The following CA5A variants were observed in gnomAD, a reference collection of about 807,000 sequenced individuals.
CA5A encodes carbonic anhydrase 5A, mitochondrial.
A neutral mutation model predicts 37.1 loss-of-function variants in CA5A; 28 were observed. That is an observed-to-expected ratio of 0.75 (90% CI 0.56 to 1.03). The LOEUF (loss-of-function observed/expected upper bound fraction) is 1.03, where lower values mean the gene tolerates loss of function less well. Among genes scored for constraint, CA5A ranks in the 50% least tolerant of loss-of-function variants. CA5A has a pLI of 0.00. For synonymous variants in CA5A, 171 were observed against 158.4 expected (o/e 1.08, Z -0.60); for missense variants, 444 against 399.9 (o/e 1.11, Z -0.94).
At chr16:87,926,069 A>G (rs1344406870) in intron 2 of CA5A, among the ~76,000 whole-genome samples, 1 of 152,136 alleles carries the variant, frequency 6.6e-6, no homozygotes, top group Non-Finnish European at 1.5e-5. Context: ...CTAAAAATAC[A>G]AAAATTAGCT....
Position 87,888,096 on chromosome 16 carries a change from G to A in CA5A, c.*33C>T. On this transcript the variant is annotated 3_prime_UTR_variant, in exon 7 of 7. Transcript: ENST00000649794. The stretch of plus-strand genomic sequence containing the variant: ...GGAAACAACGCTTCCTTCCTTCAAA[G>A]TCAGTTCTGCTATTCATGTGGACCT... 1 of 1,549,532 alleles carries A rather than the reference G, an allele frequency of 6.5e-7. No individual in the cohort carries two copies. Among genetic ancestry groups the A allele is most frequent in the Non-Finnish European group, 8.7e-7 (1 of 1,144,558 alleles).
intron 5 of CA5A, among the ~76,000 whole-genome samples, chr16:87,896,023 G>A (rs1166809280): frequency 2.0e-5 from 3 of 152,196 alleles, no homozygotes; most frequent in Admixed American, 6.5e-5. Flanking sequence ...TGAGACGTCC[G>A]TCTCCTCCTG....
At chr16:87,899,295 CTTTTTTTTTTTTTTTTT>C (rs774174056) in intron 5 of CA5A, among the ~76,000 whole-genome samples, 1 of 85,842 alleles carries the variant, frequency 1.2e-5, no homozygotes, top group African/African-American at 4.7e-5. Flanking sequence ...CTCCTAAGGT[CTTTTTTTTTTTTTTTTT>C]TTTTTTTTTG....
At chr16:87,895,406 G>A (rs1439619803) in intron 5 of CA5A, among the ~76,000 whole-genome samples, 15 of 152,124 alleles carry the variant, frequency 9.9e-5, no homozygotes, top group Non-Finnish European at 1.9e-4. Context: ...TTAGCCAGGC[G>A]TGGTGGCGCA....
At chr16:87,899,295 CTTTTTTTTTTT>C (rs774174056) in intron 5 of CA5A, among the ~76,000 whole-genome samples, 2 of 85,842 alleles carry the variant, frequency 2.3e-5, no homozygotes, top group African/African-American at 4.7e-5. Flanking sequence ...CTCCTAAGGT[CTTTTTTTTTTT>C]TTTTTTTTTT....
intron 2 of CA5A, among the ~76,000 whole-genome samples, chr16:87,913,450 C>T (rs1294447694): frequency 3.3e-5 from 5 of 152,018 alleles, no homozygotes; most frequent in Non-Finnish European, 5.9e-5. Context: ...CCACCATGCC[C>T]GGCTAATTTT....
intron 2 of CA5A, among the ~76,000 whole-genome samples, chr16:87,907,245 G>A (rs370275406): frequency 3.2e-4 from 49 of 152,196 alleles, no homozygotes; most frequent in African/African-American, 9.9e-4. Context: ...GTGAGCCACC[G>A]TGCCTGGCCT....
chr16:87,916,566 C>T (rs1321440533), intron 2 of CA5A, among the ~76,000 whole-genome samples: 2 of 152,284 alleles, frequency 1.3e-5, no homozygotes, highest in South Asian at 2.1e-4. Flanking sequence ...CATCACAGCA[C>T]TTATCACTAT....
chr16:87,923,844 G>C, intron 2 of CA5A: 1 of 984,788 alleles, frequency 1.0e-6, no homozygotes, highest in Non-Finnish European at 1.2e-6. Context: ...CTGTATCCAT[G>C]ACAACTATTG....
intron 1 of CA5A, among the ~76,000 whole-genome samples, chr16:87,929,946 A>C (rs1241576534): frequency 1.3e-5 from 2 of 151,704 alleles, no homozygotes; most frequent in African/African-American, 2.4e-5. Flanking sequence ...TTTTAAGTTA[A>C]AGATTGCAAA....
Position 87,916,256 on chromosome 16 carries a change from G to A in CA5A, c.340+10492C>T, listed in dbSNP as rs369007533. Among the ~76,000 whole-genome samples, 16 of 152,102 alleles carry A rather than the reference G, an allele frequency of 1.1e-4. 1 individual carries two copies. Among genetic ancestry groups the A allele is most frequent in the East Asian group, 7.7e-4 (4 of 5,202 alleles). ...AGCACTTTGGGAGGCTGAGGTGGGT[G>A]GATAGCTTGAGGTTGGGAGTTCGAG... On this transcript the variant is annotated intron_variant, in intron 2 of 6. Coordinates refer to ENST00000649794, the MANE Select transcript of CA5A (RefSeq NM_001739.2).
chr16:87,930,364 T>C (rs766761160), intron 1 of CA5A, among the ~76,000 whole-genome samples: 1 of 152,204 alleles, frequency 6.6e-6, no homozygotes, highest in Non-Finnish European at 1.5e-5. Flanking sequence ...TCCTGGCCTC[T>C]GGGAGTCTCT....
chr16:87,886,055 C>T (rs925755459), downstream of CA5A: 1 of 151,690 alleles, frequency 6.6e-6, no homozygotes, highest in Non-Finnish European at 1.5e-5. Flanking sequence ...TCTCTTTCCT[C>T]CAAAAGAATG....
At chr16:87,932,855 T>G (rs973153635) in intron 1 of CA5A, among the ~76,000 whole-genome samples, 1 of 152,114 alleles carries the variant, frequency 6.6e-6, no homozygotes, top group African/African-American at 2.4e-5. Flanking sequence ...GGAGGAGCTA[T>G]CCCCTCCCCC....
rs1370412772 is a variant in CA5A at position 87,911,192 on chromosome 16, G to A, written c.341-6288C>T. 6.6e-6 allele frequency among the ~76,000 whole-genome samples: 1 copy of A among 152,024 alleles called. No homozygotes were observed. The highest frequency in any genetic ancestry group is 6.6e-5 in the Admixed American group (1 of 15,250). On this transcript the variant is annotated intron_variant, in intron 2 of 6. Transcript: ENST00000649794. This position sits in a 1 kb window ranked among gnomAD's most constrained non-coding sequence, Gnocchi z 4.6. Reference sequence around the variant, plus strand: ...TCCCCCGGACTCTGCTATCAGCAGGGCTGGTCCACCGGGCAGCACTGGCCA... The same window carrying A: ...TCCCCCGGACTCTGCTATCAGCAGGACTGGTCCACCGGGCAGCACTGGCCA...
intron 1 of CA5A, among the ~76,000 whole-genome samples, chr16:87,934,045 CT>C (rs2056440355): frequency 6.6e-6 from 1 of 152,228 alleles, no homozygotes; most frequent in Non-Finnish European, 1.5e-5. Flanking sequence ...GGAATGCTAC[CT>C]GCTGCCCACT....
At chr16:87,890,817 G>T (rs938511693) in intron 6 of CA5A, among the ~76,000 whole-genome samples, 8 of 151,746 alleles carry the variant, frequency 5.3e-5, no homozygotes, top group Middle Eastern at 3.4e-3. Flanking sequence ...TATTTGAGAT[G>T]GAGTTTTGCT....
At chr16:87,895,205 A>G (rs2055784561) in intron 5 of CA5A, among the ~76,000 whole-genome samples, 1 of 152,166 alleles carries the variant, frequency 6.6e-6, no homozygotes, top group Admixed American at 6.5e-5. Context: ...AGCTGTGATC[A>G]TACCACTGCA....
At chr16:87,915,666 G>A (rs2056128601) in intron 2 of CA5A, among the ~76,000 whole-genome samples, 1 of 134,374 alleles carries the variant, frequency 7.4e-6, no homozygotes. Context: ...TGCAGCCTGG[G>A]CGACAGAGCA....
Sources: gnomAD v4.1 joint callset for allele counts (sites outside exome capture counted in the v4.1 genomes callset) on GRCh38, gnomAD v4.1.1 for gene constraint, Gnocchi (gnomAD v3.1) non-coding constraint, MANE v1.5 for transcripts, NCBI Gene and HGNC (gene_info 2026-07-23, HGNC 2026-07-21) for gene names.